DRC9: variants seen among roughly 807,000 people sequenced by gnomAD.
DRC9 encodes dynein regulatory complex subunit 9.
the DRC9 span, chr3:197,889,640 A>C: frequency 6.2e-7 from 1 of 1,614,178 alleles, no homozygotes; most frequent in South Asian, 1.1e-5. Context: ...AATCCTTGCT[A>C]TCAACTTTGT....
chr3:197,933,317 T>G, the DRC9 span, among the ~76,000 whole-genome samples: 1 of 151,612 alleles, frequency 6.6e-6, no homozygotes, highest in East Asian at 1.9e-4. Flanking sequence ...GGTGCCCACC[T>G]GTAATCCCAG....
the DRC9 span, among the ~76,000 whole-genome samples, chr3:197,922,210 C>T: frequency 1.3e-5 from 2 of 152,090 alleles, no homozygotes; most frequent in African/African-American, 4.8e-5. Context: ...GAATGATATT[C>T]TACTTTAATT....
At chr3:197,923,121 T>C in the DRC9 span, among the ~76,000 whole-genome samples, 1 of 152,148 alleles carries the variant, frequency 6.6e-6, no homozygotes, top group African/African-American at 2.4e-5. Context: ...TAAAAAAAAG[T>C]CTAGTGACTT....
chr3:197,934,590 A>C, the DRC9 span, among the ~76,000 whole-genome samples: 1 of 152,198 alleles, frequency 6.6e-6, no homozygotes, highest in Non-Finnish European at 1.5e-5. Flanking sequence ...CCGTGGTCAC[A>C]TACCTAGTTT....
chr3:197,913,735 T>C, the DRC9 span: 1 of 875,478 alleles, frequency 1.1e-6, no homozygotes, highest in Non-Finnish European at 1.9e-6. Flanking sequence ...TCATTTAGGC[T>C]TTTATTTTCA....
chr3:197,953,810 A>G, the DRC9 span: 23 of 642,270 alleles, frequency 3.6e-5, no homozygotes, highest in South Asian at 2.8e-4. Flanking sequence ...TAGCTGCTGT[A>G]TTTTACAGAA....
At chr3:197,953,564 G>C in the DRC9 span, 4 of 457,356 alleles carry the variant, frequency 8.7e-6, no homozygotes, top group Admixed American at 2.3e-5. Context: ...GCCTGCGCTA[G>C]TCATCCCGTG....
the DRC9 span, chr3:197,950,837 C>A: frequency 1.9e-6 from 2 of 1,051,182 alleles, no homozygotes; most frequent in Non-Finnish European, 1.4e-6. Context: ...CATGAAACTC[C>A]CATCCAAAAG....
chr3:197,921,180 G>C, the DRC9 span, among the ~76,000 whole-genome samples: 1 of 128,252 alleles, frequency 7.8e-6, no homozygotes, highest in Non-Finnish European at 1.6e-5. Context: ...TGGTCGACCC[G>C]ACTACTGGTT....
chr3:197,930,187 T>C, the DRC9 span, among the ~76,000 whole-genome samples: 2 of 151,476 alleles, frequency 1.3e-5, no homozygotes, highest in Non-Finnish European at 2.9e-5. Flanking sequence ...AAACCCCATC[T>C]CTACAAAAAA....
the DRC9 span, chr3:197,891,454 C>T: frequency 2.8e-5 from 44 of 1,561,908 alleles, no homozygotes; most frequent in Middle Eastern, 1.7e-4. Context: ...ACCTTTATAA[C>T]GCTCTTTAAT....
chr3:197,898,657 G>A, the DRC9 span, among the ~76,000 whole-genome samples: 3,027 of 152,314 alleles, frequency 0.02, 128 homozygotes, highest in African/African-American at 0.07. Context: ...AATCATGGCA[G>A]GAGAGAGAAC....
the DRC9 span, chr3:197,932,076 G>T: frequency 7.7e-7 from 1 of 1,303,328 alleles, no homozygotes; most frequent in Non-Finnish European, 1.1e-6. Flanking sequence ...TCCCTGGAAA[G>T]CACACGGTTG....
the DRC9 span, among the ~76,000 whole-genome samples, chr3:197,919,803 T>G: frequency 6.6e-6 from 1 of 152,120 alleles, no homozygotes; most frequent in Non-Finnish European, 1.5e-5. Context: ...TTGGCACTTG[T>G]CTTAGACCTC....
the DRC9 span, chr3:197,953,504 G>C: frequency 4.4e-6 from 2 of 456,420 alleles, no homozygotes; most frequent in Non-Finnish European, 8.8e-6. Flanking sequence ...TTAACCCCTT[G>C]GTGTCTTCAG....
At chr3:197,931,296 A>G in the DRC9 span, among the ~76,000 whole-genome samples, 1 of 151,898 alleles carries the variant, frequency 6.6e-6, no homozygotes, top group African/African-American at 2.4e-5. Context: ...AGCCTGGCCA[A>G]CATGGTGAAA....
the DRC9 span, chr3:197,943,610 G>A: frequency 1.5e-6 from 1 of 652,436 alleles, no homozygotes. Context: ...CTACACTCCA[G>A]CTTAGGCCAC....
the DRC9 span, among the ~76,000 whole-genome samples, chr3:197,937,482 C>A: frequency 2.1e-5 from 3 of 145,868 alleles, no homozygotes; most frequent in South Asian, 6.5e-4. Context: ...TTTTTTTTTT[C>A]AAGACAGAGT....
the DRC9 span, among the ~76,000 whole-genome samples, chr3:197,941,509 T>C: frequency 1.2e-5 from 1 of 81,976 alleles, no homozygotes; most frequent in East Asian, 4.1e-4. Context: ...CTTCCTCCCT[T>C]CCTTCCTTCC....
Sources: gnomAD v4.1 joint callset for allele counts (sites outside exome capture counted in the v4.1 genomes callset) on GRCh38, gnomAD v4.1.1 for gene constraint, MANE v1.5 for transcripts, NCBI Gene and HGNC (gene_info 2026-07-23, HGNC 2026-07-21) for gene names.